MARCHF3: variants seen among roughly 807,000 people sequenced by gnomAD.
MARCHF3 encodes E3 ubiquitin-protein ligase MARCHF3.
MARCHF3 carries 13 observed loss-of-function variants against 24.2 expected under a neutral mutation model. That is an observed-to-expected ratio of 0.54 (90% CI 0.35 to 0.85). MARCHF3 has a LOEUF of 0.85. Ranked by LOEUF, MARCHF3 falls within the 40% of genes least tolerant of loss-of-function variation. The pLI is 0.01. For synonymous variants in MARCHF3, 144 were observed against 137.3 expected, an observed-to-expected ratio of 1.05 and a Z score of -0.34; for missense variants, 276 against 325.0, an observed-to-expected ratio of 0.85 and a Z score of 1.16.
intron 1 of MARCHF3, among the ~76,000 whole-genome samples, chr5:126,927,730 C>T (rs1463986872): frequency 6.6e-6 from 1 of 152,216 alleles, no homozygotes; most frequent in Non-Finnish European, 1.5e-5. Context: ...TTACACAGAA[C>T]ATCCCCTTAA....
chr5:126,939,470 C>T (rs1305863830), intron 1 of MARCHF3, among the ~76,000 whole-genome samples: 3 of 152,164 alleles, frequency 2.0e-5, no homozygotes, highest in Non-Finnish European at 4.4e-5. Flanking sequence ...GGTGATCAGC[C>T]TTCACTATGA....
chr5:127,008,818 A>T (rs906171534), intron 1 of MARCHF3, among the ~76,000 whole-genome samples: 10 of 151,408 alleles, frequency 6.6e-5, no homozygotes, highest in African/African-American at 2.4e-4. Context: ...CAGTGACCGA[A>T]CCCTATTTTA....
chr5:126,875,322 C>T (rs1041029850), intron 4 of MARCHF3, among the ~76,000 whole-genome samples: 2 of 152,298 alleles, frequency 1.3e-5, no homozygotes, highest in African/African-American at 2.4e-5. Context: ...AAGGCTGGAC[C>T]TGCATGGCCA....
chr5:126,870,526 A>AC lies in MARCHF3; in HGVS notation c.*106dup. On this transcript the variant is annotated 3_prime_UTR_variant, in exon 5 of 5. Transcript: ENST00000308660. The stretch of plus-strand genomic sequence containing the variant: ...GCTAATATGCTCTGGATGTTCTTAG[A>AC]CCCACAGGCTTAAGGAAGGGCTTGG... The AC allele has an allele frequency of 1.0e-6, 1 of 991,720 alleles. No individual in the cohort carries two copies. 61.4% of individuals were successfully genotyped at this position (991,720 alleles called of 1,614,324 possible). A position where few individuals can be genotyped will look rare whatever the true frequency, so the allele number is the denominator to read the frequency against.
At chr5:126,953,057 G>A (rs1750309464) in intron 1 of MARCHF3, among the ~76,000 whole-genome samples, 1 of 152,100 alleles carries the variant, frequency 6.6e-6, no homozygotes, top group Admixed American at 6.6e-5. Context: ...GGTCAAGTCT[G>A]TTTTTATTTT....
chr5:126,951,584 G>A (rs542241232), intron 1 of MARCHF3, among the ~76,000 whole-genome samples: 1 of 152,284 alleles, frequency 6.6e-6, no homozygotes, highest in African/African-American at 2.4e-5. Context: ...ACTTGAGCGT[G>A]AGCAATGAAC....
chr5:127,029,873 C>T (rs1261380938), intron 1 of MARCHF3: 1 of 152,294 alleles, frequency 6.6e-6, no homozygotes, highest in Non-Finnish European at 1.5e-5. Flanking sequence ...GCACTGAAGC[C>T]CCCGCTACAG....
In MARCHF3 at chr5:126,957,058, C is replaced by T. The variant is rs1750471937; in HGVS notation, c.-56-38831G>A. On this transcript the variant is annotated intron_variant, in intron 1 of 4. Coordinates refer to ENST00000308660, the MANE Select transcript of MARCHF3 (RefSeq NM_178450.5). ...CATGCCATGGTGCCACTGTGCCCGG[C>T]TAAGAATGGTATTCTTTTATTAGAG... Among the ~76,000 whole-genome samples, 4 of 151,194 alleles carry T rather than the reference C, an allele frequency of 2.6e-5. No individual in the cohort carries two copies. The South Asian group carries it at 8.4e-4, about 32-fold the overall frequency.
At chr5:126,899,750 AAACAGACTT>A (rs1194264133) in intron 3 of MARCHF3, among the ~76,000 whole-genome samples, 11 of 152,086 alleles carry the variant, frequency 7.2e-5, no homozygotes, top group Non-Finnish European at 1.2e-4. Flanking sequence ...GTGTTTTTTA[AAACAGACTT>A]TATTTTTTAG....
At chr5:126,895,359 G>A (rs2126778866) in intron 3 of MARCHF3, among the ~76,000 whole-genome samples, 1 of 152,272 alleles carries the variant, frequency 6.6e-6, no homozygotes, top group African/African-American at 2.4e-5. Context: ...GTGAGGAACT[G>A]CGTTCCTTTG....
At position 126,895,327 on chromosome 5, in the gene MARCHF3, A is replaced by G. The variant is rs1753841568; in HGVS notation, c.394-16933T>C. Among the ~76,000 whole-genome samples the G allele has an allele frequency of 3.3e-5, 5 of 152,242 alleles. No homozygotes were observed. In the South Asian group the frequency reaches 8.3e-4, roughly 25 times the overall value. ...TCTCAGCTCCTCAAAGTCATTCTCC[A>G]TCTAGCTTTGTTCCGTTGCTGGTGA... On this transcript the variant is annotated intron_variant, in intron 3 of 4. Transcript: ENST00000308660.
chr5:126,900,396 A>C (rs1408132831), intron 3 of MARCHF3, among the ~76,000 whole-genome samples: 2 of 151,978 alleles, frequency 1.3e-5, no homozygotes, highest in Non-Finnish European at 2.9e-5. Context: ...AGGAGGATGG[A>C]GCACCCATGA....
At chr5:126,977,194 T>C (rs1751231396) in intron 1 of MARCHF3, among the ~76,000 whole-genome samples, 1 of 152,238 alleles carries the variant, frequency 6.6e-6, no homozygotes, top group African/African-American at 2.4e-5. Context: ...CTGAAGTTAC[T>C]GTTGCCCTGT....
In MARCHF3 at chr5:126,872,588, T is replaced by C. The variant is rs866343387; in HGVS notation, c.604-1797A>G. ...TTGTGTTGATCCCACTAAAGGTCTA[T>C]GGTGGTCAGAAAGTAGGCTGGCCTG... On this transcript the variant is annotated intron_variant, in intron 4 of 4. Transcript: ENST00000308660. Among the ~76,000 whole-genome samples, 107 of 152,156 alleles carry C rather than the reference T, an allele frequency of 7.0e-4. 1 individual carries two copies. Among genetic ancestry groups the C allele is most frequent in the African/African-American group, 2.5e-3 (102 of 41,508 alleles).
Position 126,914,767 on chromosome 5 carries a change from AACAC to A in MARCHF3, c.393+159_393+162del, listed in dbSNP as rs58386463. On this transcript the variant is annotated intron_variant, in intron 3 of 4. Transcript: ENST00000308660. ...TGTCTGTCTACATCTCTCTTTCTCA[AACAC>A]ACACACACACACACACACACACACA... 8.7e-3 allele frequency: 4,225 copies of A among 484,020 alleles called. 79 individuals carry two copies. The highest frequency in any genetic ancestry group is 0.069 in the African/African-American group (2,974 of 43,318). 30.0% of individuals were successfully genotyped at this position (484,020 alleles called of 1,614,324 possible).
intron 1 of MARCHF3, among the ~76,000 whole-genome samples, chr5:126,987,684 G>A (rs1477903259): frequency 6.6e-6 from 1 of 152,202 alleles, no homozygotes; most frequent in Middle Eastern, 3.2e-3. Context: ...CAGAGGGTGG[G>A]AGTGAGCTGT....
intron 1 of MARCHF3, among the ~76,000 whole-genome samples, chr5:127,005,735 G>T (rs761513512): frequency 3.9e-5 from 6 of 151,960 alleles, no homozygotes; most frequent in Non-Finnish European, 5.9e-5. Flanking sequence ...AAAATTATTA[G>T]ATCATGAATC....
At chr5:126,904,633 T>C (rs1248878779) in intron 3 of MARCHF3, among the ~76,000 whole-genome samples, 1 of 149,896 alleles carries the variant, frequency 6.7e-6, no homozygotes, top group Non-Finnish European at 1.5e-5. Context: ...TGTCTGTTCA[T>C]GTCCTTCGCC....
At chr5:127,028,926 C>T (rs1753086385) in intron 1 of MARCHF3, among the ~76,000 whole-genome samples, 2 of 152,204 alleles carry the variant, frequency 1.3e-5, no homozygotes, top group Non-Finnish European at 2.9e-5. Flanking sequence ...GGCTCCACCC[C>T]AGTGGTCGGA....
Sources: allele counts gnomAD v4.1 joint callset (sites outside exome capture counted in the v4.1 genomes callset), GRCh38; gene constraint gnomAD v4.1.1; transcripts MANE v1.5; gene names NCBI Gene and HGNC (gene_info 2026-07-23, HGNC 2026-07-21).